Variants in BMPER observed in about 807,000 individuals in gnomAD.
BMPER encodes the protein BMP-binding endothelial regulator protein.
In BMPER, 45 loss-of-function variants were observed where a neutral mutation model predicts 87.3. The observed-to-expected ratio is 0.52, with a 90% CI of 0.41 to 0.66. BMPER has a LOEUF of 0.66. BMPER is among the 30% of genes least tolerant of loss of function. The probability of loss-of-function intolerance (pLI) is 0.00; values close to 1 mark genes in which losing one functional copy is unlikely to be tolerated. For missense variants in BMPER, 784 were observed against 867.5 expected (o/e 0.90, Z 1.21); for synonymous variants, 326 against 316.2 (o/e 1.03, Z -0.33).
intron 3 of BMPER, among the ~76,000 whole-genome samples, chr7:33,963,724 C>T (rs900213618): frequency 3.9e-5 from 6 of 152,016 alleles, no homozygotes; most frequent in Admixed American, 3.3e-4. Flanking sequence ...ACCTGGGAGG[C>T]GGAGGTTGCA....
At chr7:34,060,787 CAG>C (rs1489358488) in intron 10 of BMPER, among the ~76,000 whole-genome samples, 1 of 152,122 alleles carries the variant, frequency 6.6e-6, no homozygotes, top group Non-Finnish European at 1.5e-5. Context: ...TCCCTGTAAA[CAG>C]GGGATAAGGA....
chr7:34,141,075 G>A (rs10228524), intron 13 of BMPER, among the ~76,000 whole-genome samples: 4,091 of 152,258 alleles, frequency 0.027, 172 homozygotes, highest in African/African-American at 0.092. Flanking sequence ...AAGTCTGAGC[G>A]TAAATATGAT....
intron 6 of BMPER, among the ~76,000 whole-genome samples, chr7:34,018,366 T>C (rs1787091602): frequency 6.6e-6 from 1 of 151,910 alleles, no homozygotes; most frequent in Non-Finnish European, 1.5e-5. Context: ...TTAGCACATA[T>C]TGAGAAGCTT....
At chr7:33,910,690 C>T (rs776467983) in intron 2 of BMPER, among the ~76,000 whole-genome samples, 6 of 152,186 alleles carry the variant, frequency 3.9e-5, no homozygotes, top group African/African-American at 4.8e-5. Flanking sequence ...TAAAAAGCAA[C>T]ATGAAATTCA....
At chr7:33,909,126 A>T (rs1055621274) in intron 2 of BMPER, among the ~76,000 whole-genome samples, 5 of 152,192 alleles carry the variant, frequency 3.3e-5, no homozygotes, top group Non-Finnish European at 7.3e-5. Context: ...GTAGGGCCTC[A>T]TCTAAGCCTG....
At chr7:34,082,610 C>T (rs778642158) in intron 12 of BMPER, among the ~76,000 whole-genome samples, 32 of 152,032 alleles carry the variant, frequency 2.1e-4, no homozygotes, top group Non-Finnish European at 3.4e-4. Context: ...TGAGATGTCA[C>T]GAGTTTTGAG....
At chr7:33,919,940 T>TATCTATCTATCTATC (rs1178501303) in intron 2 of BMPER, among the ~76,000 whole-genome samples, 1 of 152,096 alleles carries the variant, frequency 6.6e-6, no homozygotes, top group African/African-American at 2.4e-5. Flanking sequence ...TCTATCTATC[T>TATCTATCTATCTATC]ATCTATCTAT....
chr7:33,962,547 A>G (rs993767763), intron 3 of BMPER, among the ~76,000 whole-genome samples: 7 of 152,148 alleles, frequency 4.6e-5, no homozygotes, highest in Non-Finnish European at 8.8e-5. Flanking sequence ...ATAGTGCTCC[A>G]TATCTTCCAG....
intron 13 of BMPER, among the ~76,000 whole-genome samples, chr7:34,095,184 A>G (rs1181132821): frequency 1.3e-5 from 2 of 152,248 alleles, no homozygotes; most frequent in African/African-American, 4.8e-5. Flanking sequence ...AACTTGAGAA[A>G]TAATCAACTC....
intron 13 of BMPER, among the ~76,000 whole-genome samples, chr7:34,136,745 C>G (rs937743940): frequency 1.3e-5 from 2 of 152,252 alleles, no homozygotes; most frequent in African/African-American, 2.4e-5. Context: ...GAAAGCTGAC[C>G]TTCAGATTGA....
At chr7:34,095,343 A>C (rs182364198) in intron 13 of BMPER, among the ~76,000 whole-genome samples, 2 of 152,304 alleles carry the variant, frequency 1.3e-5, no homozygotes, top group African/African-American at 4.8e-5. Flanking sequence ...TGCCTTTGTA[A>C]ACAGTAATAT....
chr7:34,065,437 G>A (rs1169086824), intron 11 of BMPER, among the ~76,000 whole-genome samples: 1 of 152,108 alleles, frequency 6.6e-6, no homozygotes, highest in Non-Finnish European at 1.5e-5. Context: ...AATATCTCCA[G>A]ATACTGCCAA....
intron 8 of BMPER, 150 bp downstream of exon 8, chr7:34,052,120 C>T (rs1788160854): frequency 1.3e-6 from 1 of 772,040 alleles, no homozygotes; most frequent in Non-Finnish European, 2.2e-6. Flanking sequence ...TACTCAAGGT[C>T]ACCAAGGACT....
At chr7:34,114,793 G>A (rs117657034) in intron 13 of BMPER, among the ~76,000 whole-genome samples, 2,240 of 152,310 alleles carry the variant, frequency 0.015, 30 homozygotes, top group Middle Eastern at 0.037. Flanking sequence ...CCAGTGCAAA[G>A]GCCCTGTGGT....
At chr7:33,913,153 C>T (rs12533325) in intron 2 of BMPER, among the ~76,000 whole-genome samples, 2,567 of 152,172 alleles carry the variant, frequency 0.017, 45 homozygotes, top group East Asian at 0.056. Flanking sequence ...TATCTGGGAC[C>T]GTGATGTGGG....
intron 6 of BMPER, among the ~76,000 whole-genome samples, chr7:34,043,395 G>A (rs945134517): frequency 1.6e-4 from 25 of 152,270 alleles, no homozygotes; most frequent in Admixed American, 4.6e-4. Context: ...GAGAATTGAT[G>A]TAGACCTATA....
intron 6 of BMPER, among the ~76,000 whole-genome samples, chr7:34,038,373 T>C (rs1396182345): frequency 6.6e-6 from 1 of 152,206 alleles, no homozygotes; most frequent in Non-Finnish European, 1.5e-5. Flanking sequence ...CTCTGGAAGC[T>C]GGAGAAGGCA....
At chr7:34,060,623 GA>G (rs1341557607) in intron 10 of BMPER, among the ~76,000 whole-genome samples, 1 of 152,152 alleles carries the variant, frequency 6.6e-6, no homozygotes, top group African/African-American at 2.4e-5. Flanking sequence ...TAATTAACCA[GA>G]ATCCTTTAAG....
chr7:34,011,954 G>T (rs1344848189), intron 6 of BMPER, among the ~76,000 whole-genome samples: 6 of 151,932 alleles, frequency 3.9e-5, no homozygotes, highest in African/African-American at 1.4e-4. Flanking sequence ...AATGCATCCA[G>T]AGTTGAATGT....
Sources: allele counts gnomAD v4.1 joint callset (sites outside exome capture counted in the v4.1 genomes callset), GRCh38; gene constraint gnomAD v4.1.1; transcripts MANE v1.5; gene names NCBI Gene and HGNC (gene_info 2026-07-23, HGNC 2026-07-21).